The following F2R variants were observed in gnomAD, a reference collection of about 807,000 sequenced individuals.
F2R encodes the protein proteinase-activated receptor 1.
A neutral mutation model predicts 18.3 loss-of-function variants in F2R; 12 were observed. The observed-to-expected ratio is 0.66, with a 90% confidence interval of 0.42 to 1.06. The LOEUF is 1.06. Among genes scored for constraint, F2R ranks in the 50% least tolerant of loss-of-function variants. F2R has a pLI of 0.00. For missense variants in F2R, 438 were observed against 530.8 expected (o/e 0.83, Z 1.72); for synonymous variants, 210 against 219.9 (o/e 0.95, Z 0.40).
Position 76,732,337 on chromosome 5 carries a change from T to G in F2R, c.112T>G (p.Leu38Val), listed in dbSNP as rs1401244969. ...RPESKATNAT[L>V]DPRSFLLRNP... ...AGAATCAAAAGCAACAAATGCCACC[T>G]TAGATCCCCGGTCATTTCTTCTCAG... The change falls in exon 2 of 2, where the codon TTA becomes GTA. Residue 38 changes from leucine (L) to valine (V), a missense_variant. By Grantham distance (32) the Leu-to-Val change is conservative. Transcript: ENST00000319211. 6.2e-7 allele frequency: 1 copy of G among 1,605,560 alleles called. No individual in the cohort carries two copies. Among genetic ancestry groups the G allele is most frequent in the Non-Finnish European group, 8.5e-7 (1 of 1,177,338 alleles).
At chr5:76,730,685 A>G (rs1403364368) in intron 1 of F2R, among the ~76,000 whole-genome samples, 6 of 152,100 alleles carry the variant, frequency 3.9e-5, no homozygotes, top group African/African-American at 1.4e-4. Context: ...CTACCTGGAG[A>G]TAGAGTCAGA....
intron 1 of F2R, 153 bp downstream of exon 1, chr5:76,716,548 G>A: frequency 1.3e-6 from 1 of 745,012 alleles, no homozygotes; most frequent in Non-Finnish European, 2.1e-6. Context: ...TTCCAGTCAC[G>A]TTTAGGTGGG....
intron 1 of F2R, among the ~76,000 whole-genome samples, chr5:76,730,416 T>A (rs1729926010): frequency 6.6e-6 from 1 of 152,224 alleles, no homozygotes; most frequent in African/African-American, 2.4e-5. Context: ...ATTTTCTATC[T>A]GGGTTTTAGT....
intron 1 of F2R, 169 bp downstream of exon 1, chr5:76,716,564 C>A: frequency 1.4e-6 from 1 of 700,098 alleles, no homozygotes; most frequent in Admixed American, 2.8e-5. Context: ...GTGGGGCGTG[C>A]CACCCCCTTC....
At chr5:76,719,206 T>G (rs1223235258) in intron 1 of F2R, among the ~76,000 whole-genome samples, 1 of 152,266 alleles carries the variant, frequency 6.6e-6, no homozygotes, top group East Asian at 1.9e-4. Flanking sequence ...TCTTATTTAT[T>G]TCTCACAACA....
At chr5:76,728,294 C>T (rs1170553339) in intron 1 of F2R, among the ~76,000 whole-genome samples, 1 of 152,088 alleles carries the variant, frequency 6.6e-6, no homozygotes, top group African/African-American at 2.4e-5. Flanking sequence ...CTAACTAATT[C>T]CTTTTAACAG....
chr5:76,716,313 G>A lies in F2R; in HGVS notation c.6G>A (p.Gly2=), dbSNP rs370110203. 1.1e-5 allele frequency: 15 copies of A among 1,409,806 alleles called. No individual in the cohort carries two copies. The East Asian group carries it at 1.2e-4, about 11-fold the overall frequency. 87.3% of individuals were successfully genotyped at this position (1,409,806 alleles called of 1,614,324 possible). A position where few individuals can be genotyped will look rare whatever the true frequency, so the allele number is the denominator to read the frequency against. The change falls in exon 1 of 2, where the codon GGG becomes GGA. Residue 2 remains glycine, a synonymous_variant. Coordinates refer to ENST00000319211, the MANE Select transcript of F2R (RefSeq NM_001992.5). Reference sequence around the variant, plus strand: ...GCCGCGCAGAGCCCGGGACAATGGGGCCGCGGCGGCTGCTGCTGGTGGCCG... The same window carrying A: ...GCCGCGCAGAGCCCGGGACAATGGGACCGCGGCGGCTGCTGCTGGTGGCCG... The part of the protein sequence containing the change: M[G]PRRLLLVAAC...
rs1748720226 is a variant in F2R at position 76,733,427 on chromosome 5, G to A, written c.1202G>A (p.Gly401Glu). ...GATCCCAGCAGTTATAACAGCAGTG[G>A]GCAGTTGATGGCAAGTAAAATGGAT... ...SSDPSSYNSS[G>E]QLMASKMDTC... The change falls in exon 2 of 2, where the codon GGG becomes GAG. Residue 401 changes from glycine (G) to glutamate (E), a missense_variant. Physicochemically the swap from Gly to Glu is moderately conservative, Grantham distance 98 (BLOSUM62 -2). Coordinates refer to ENST00000319211, the MANE Select transcript of F2R (RefSeq NM_001992.5). 6.2e-7 allele frequency: 1 copy of A among 1,614,032 alleles called. No individual in the cohort carries two copies.
chr5:76,732,143 T>A (rs972566114), intron 1 of F2R, among the ~76,000 whole-genome samples, 171 bp from the exon 2 acceptor site: 1 of 152,234 alleles, frequency 6.6e-6, no homozygotes, highest in African/African-American at 2.4e-5. Context: ...CACAGTATTT[T>A]GAGTTGGCTT....
Position 76,730,513 on chromosome 5 carries a change from C to T in F2R, c.89-1801C>T, listed in dbSNP as rs199899003. On this transcript the variant is annotated intron_variant, in intron 1 of 1. Coordinates refer to ENST00000319211, the MANE Select transcript of F2R (RefSeq NM_001992.5). ...CTGTTTTCTCTTACCCAGCACTTCA[C>T]TCAATCCTTCTGACACCGTATGTCT... is the stretch of plus-strand genomic sequence containing the variant. 2.6e-5 allele frequency among the ~76,000 whole-genome samples: 4 copies of T among 152,240 alleles called. No homozygotes were observed. The East Asian group carries it at 7.7e-4, about 29-fold the overall frequency.
At chr5:76,722,966 A>G (rs1748493710) in intron 1 of F2R, among the ~76,000 whole-genome samples, 2 of 143,524 alleles carry the variant, frequency 1.4e-5, no homozygotes, top group Non-Finnish European at 3.1e-5. Flanking sequence ...AAAAAAAAAG[A>G]ATTTTGTCTT....
rs168753 is a variant in F2R at position 76,732,299 on chromosome 5, A to G, written c.89-15A>G. ...CACTTTTTACATTTAAAATTTTTTT[A>G]ATTTTATTTTTCAGAATCAAAAGCA... On this transcript the variant is annotated splice_polypyrimidine_tract_variant and intron_variant, in intron 1 of 1. Coordinates refer to ENST00000319211, the MANE Select transcript of F2R (RefSeq NM_001992.5). 6.4e-7 allele frequency: 1 copy of G among 1,555,910 alleles called. No homozygotes were observed. The highest frequency in any genetic ancestry group is 8.7e-7 in the Non-Finnish European group (1 of 1,155,194).
At position 76,732,992 on chromosome 5, in the gene F2R, A is replaced by C. The variant is rs751167278; in HGVS notation, c.767A>C (p.Asp256Ala). 1.2e-6 allele frequency: 2 copies of C among 1,614,092 alleles called. No individual in the cohort carries two copies. Among genetic ancestry groups the C allele is most frequent in the Non-Finnish European group, 1.7e-6 (2 of 1,180,026 alleles). ...GGGCTCAACATCACTACCTGTCATGATGTGCTCAATGAAACCCTGCTCGAA... is the reference window on the plus strand; with the variant it reads ...GGGCTCAACATCACTACCTGTCATGCTGTGCTCAATGAAACCCTGCTCGAA... ...VPGLNITTCH[D>A]VLNETLLEGY... is the part of the protein sequence containing the mutation. Residue 256 changes from aspartate (D) to alanine (A), a missense_variant, in exon 2 of 2, where the codon GAT (aspartate) becomes GCT (alanine). Asp to Ala is a moderately radical substitution (Grantham distance 126). Transcript: ENST00000319211.
chr5:76,725,634 CT>C (rs1163700912), intron 1 of F2R, among the ~76,000 whole-genome samples: 1 of 150,978 alleles, frequency 6.6e-6, no homozygotes, highest in Non-Finnish European at 1.5e-5. Flanking sequence ...TTTTTCTTTT[CT>C]TTTTTTTTCC....
intron 1 of F2R, among the ~76,000 whole-genome samples, chr5:76,731,210 C>G (rs1748661658): frequency 6.6e-6 from 1 of 152,202 alleles, no homozygotes; most frequent in Non-Finnish European, 1.5e-5. Flanking sequence ...TTTCTACATT[C>G]TCCTGTGTAA....
At chr5:76,720,656 G>A (rs1748432564) in intron 1 of F2R, among the ~76,000 whole-genome samples, 1 of 151,994 alleles carries the variant, frequency 6.6e-6, no homozygotes, top group South Asian at 2.1e-4. Flanking sequence ...CCAGTAAGCA[G>A]TCAGATCCCA....
At position 76,732,870 on chromosome 5, in the gene F2R, T is replaced by G. The variant is rs1748698442; in HGVS notation, c.645T>G (p.Thr215=). The part of the protein sequence containing the change: ...VYPMQSLSWR[T]LGRASFTCLA... ...CCATGCAGTCCCTCTCCTGGCGTAC[T>G]CTGGGAAGGGCTTCCTTCACTTGTC... Residue 215 remains threonine (T), a synonymous_variant, in exon 2 of 2, where the codon ACT becomes ACG. Coordinates refer to ENST00000319211, the MANE Select transcript of F2R (RefSeq NM_001992.5). 1.2e-6 allele frequency: 2 copies of G among 1,614,200 alleles called. No individual in the cohort carries two copies. Among genetic ancestry groups the G allele is most frequent in the East Asian group, 4.5e-5 (2 of 44,876 alleles).
intron 1 of F2R, among the ~76,000 whole-genome samples, chr5:76,722,950 C>CAAA (rs11459024): frequency 6.2e-5 from 9 of 145,120 alleles, no homozygotes; most frequent in Non-Finnish European, 3.0e-5. Context: ...GACTCTGTAT[C>CAAA]AAAAAAAAAA....
intron 1 of F2R, among the ~76,000 whole-genome samples, chr5:76,729,834 G>A (rs1159252020): frequency 6.6e-6 from 1 of 152,186 alleles, no homozygotes. Flanking sequence ...CCCAGTAGGA[G>A]ATGATTGAAT....
Sources: gnomAD v4.1 joint callset for allele counts (sites outside exome capture counted in the v4.1 genomes callset) on GRCh38, gnomAD v4.1.1 for gene constraint, MANE v1.5 for transcripts, NCBI Gene and HGNC (gene_info 2026-07-23, HGNC 2026-07-21) for gene names.